The following SGPL1 variants were observed in gnomAD, a reference collection of about 807,000 sequenced individuals.
SGPL1 encodes the protein sphingosine-1-phosphate lyase 1, also known as SP-lyase 1.
Under a neutral mutation model 68.9 loss-of-function variants are expected in SGPL1, and 37 were observed. The ratio of observed to expected loss-of-function variants is 0.54; its 90% confidence interval spans 0.41 to 0.71. The LOEUF (loss-of-function observed/expected upper bound fraction) is 0.71. Among genes scored for constraint, SGPL1 ranks in the 30% least tolerant of loss-of-function variants. The pLI, the probability that SGPL1 is intolerant of heterozygous loss-of-function variation, is 0.00. For missense variants in SGPL1, 551 were observed against 704.6 expected, an observed-to-expected ratio of 0.78 and a Z score of 2.47; for synonymous variants, 236 against 248.5, an observed-to-expected ratio of 0.95 and a Z score of 0.47.
intron 2 of SGPL1, among the ~76,000 whole-genome samples, chr10:70,826,750 T>C (rs1443983681): frequency 6.6e-6 from 1 of 152,118 alleles, no homozygotes; most frequent in Non-Finnish European, 1.5e-5. Context: ...CTAAGTTTAG[T>C]TTGTTTTTTT....
At chr10:70,817,503 A>G (rs1845255956) in intron 2 of SGPL1, among the ~76,000 whole-genome samples, 1 of 152,140 alleles carries the variant, frequency 6.6e-6, no homozygotes, top group South Asian at 2.1e-4. Context: ...TACAGGCATA[A>G]TCATAGCTCA....
chr10:70,868,585 T>C lies in SGPL1; in HGVS notation c.704+152T>C, dbSNP rs1846236176. On this transcript the variant is annotated intron_variant, in intron 8 of 14. Coordinates refer to ENST00000373202, the MANE Select transcript of SGPL1 (RefSeq NM_003901.4). ...CCCTGTCCTAGCCCCTCTGCCCTTA[T>C]CCTTTTACATTCAGTAAAATTCTAA... is the stretch of plus-strand genomic sequence containing the variant. 4 of 636,186 alleles carry C rather than the reference T, an allele frequency of 6.3e-6. No homozygotes were observed. The South Asian group carries it at 7.3e-5, about 12-fold the overall frequency. The allele number at this position is 636,186 out of a possible 1,614,324, so 39.4% of individuals were successfully genotyped here. A position where few individuals can be genotyped will look rare whatever the true frequency, so the allele number is the denominator to read the frequency against.
chr10:70,877,541 A>G lies in SGPL1; in HGVS notation c.*206A>G, dbSNP rs995022038. On this transcript the variant is annotated 3_prime_UTR_variant, in exon 15 of 15. Transcript: ENST00000373202. ...TAATTTGAAGACCCCAGAGAATTCC[A>G]TTACATAATGATTTTGCCCTTGTTA... 1.2e-5 allele frequency: 6 copies of G among 511,556 alleles called. No homozygotes were observed. Among genetic ancestry groups the G allele is most frequent in the African/African-American group, 3.8e-5 (2 of 53,202 alleles). 31.7% of individuals were successfully genotyped at this position (511,556 alleles called of 1,614,324 possible). A position where few individuals can be genotyped will look rare whatever the true frequency, so the allele number is the denominator to read the frequency against.
intron 7 of SGPL1, among the ~76,000 whole-genome samples, chr10:70,861,663 C>A (rs1846057835): frequency 6.6e-6 from 1 of 152,214 alleles, no homozygotes; most frequent in African/African-American, 2.4e-5. Flanking sequence ...GAGCCGGAAC[C>A]AGGGCTGCGC....
intron 2 of SGPL1, among the ~76,000 whole-genome samples, chr10:70,828,618 AC>A (rs1363818718): frequency 1.3e-5 from 2 of 152,314 alleles, no homozygotes; most frequent in Non-Finnish European, 2.9e-5. Context: ...GAACAAAGCA[AC>A]CTTAGTTCTT....
At chr10:70,863,136 A>G (rs1392001425) in intron 7 of SGPL1, among the ~76,000 whole-genome samples, 2 of 151,844 alleles carry the variant, frequency 1.3e-5, no homozygotes, top group African/African-American at 4.8e-5. Context: ...ACAGGCATGC[A>G]CCACCATGCC....
chr10:70,822,886 C>T (rs1335125699), intron 2 of SGPL1, among the ~76,000 whole-genome samples: 1 of 149,786 alleles, frequency 6.7e-6, no homozygotes, highest in Non-Finnish European at 1.5e-5. Context: ...CACAATTGAA[C>T]TTACAGAGAT....
rs10627063 is a variant in SGPL1 at position 70,839,346 on chromosome 10, A to ATTT, written c.28-5120_28-5118dup. On this transcript the variant is annotated intron_variant, in intron 2 of 14. Transcript: ENST00000373202. ...GTATTATTCATTCACTGGGCAAATAATTTTTTTTTCTAGAGGAATACCTTT... is the reference window on the plus strand; with the variant it reads ...GTATTATTCATTCACTGGGCAAATAATTTTTTTTTTTTCTAGAGGAATACCTTT... 3.5e-3 allele frequency among the ~76,000 whole-genome samples: 529 copies of ATTT among 151,100 alleles called. 1 individual carries two copies. The highest frequency in any genetic ancestry group is 0.011 in the African/African-American group (460 of 41,276).
Position 70,828,444 on chromosome 10 carries a change from C to T in SGPL1, c.27+11564C>T, listed in dbSNP as rs553535032. Among the ~76,000 whole-genome samples, 9 of 152,306 alleles carry T rather than the reference C, an allele frequency of 5.9e-5. No homozygotes were observed. The East Asian group carries it at 7.7e-4, about 13-fold the overall frequency. ...TCTAACCATCCTCATTGAGAAGCCTCGGCTTCCTAAAGTGCTGCGATTATG... is the reference window on the plus strand; with the variant it reads ...TCTAACCATCCTCATTGAGAAGCCTTGGCTTCCTAAAGTGCTGCGATTATG... On this transcript the variant is annotated intron_variant, in intron 2 of 14. Coordinates refer to ENST00000373202, the MANE Select transcript of SGPL1 (RefSeq NM_003901.4).
rs550769426 is a variant in SGPL1 at position 70,859,490 on chromosome 10, G to A, written c.606G>A (p.Ser202=). Residue 202 remains serine (S), a synonymous_variant, in exon 7 of 15, where the codon TCG becomes TCA. Coordinates refer to ENST00000373202, the MANE Select transcript of SGPL1 (RefSeq NM_003901.4). Reference sequence around the variant, plus strand: ...CCCTGTTCAATGGGGGACCAGATTCGTGTGGATGTGTAAGTATATGCAAGG... The same window carrying A: ...CCCTGTTCAATGGGGGACCAGATTCATGTGGATGTGTAAGTATATGCAAGG... The part of the protein sequence containing the change: ...ACSLFNGGPD[S]CGCVTSGGTE... 67 of 1,522,418 alleles carry A rather than the reference G, an allele frequency of 4.4e-5. No individual in the cohort carries two copies. The highest frequency in any genetic ancestry group is 2.5e-4 in the East Asian group (10 of 39,410). 94.3% of individuals were successfully genotyped at this position (1,522,418 alleles called of 1,614,324 possible).
In SGPL1 at chr10:70,877,719, T is replaced by C. The variant is rs1393192592; in HGVS notation, c.*384T>C. On this transcript the variant is annotated 3_prime_UTR_variant, in exon 15 of 15. Coordinates refer to ENST00000373202, the MANE Select transcript of SGPL1 (RefSeq NM_003901.4). Reference sequence around the variant, plus strand: ...TGAGATAGCTAGAGCTTCTTTGTTATCTCAGGCAGGAGGCGTTTACATAAC... The same window carrying C: ...TGAGATAGCTAGAGCTTCTTTGTTACCTCAGGCAGGAGGCGTTTACATAAC... The C allele has an allele frequency of 5.9e-6, 1 of 170,888 alleles. No homozygotes were observed. The highest frequency in any genetic ancestry group is 2.4e-5 in the African/African-American group (1 of 42,232). The allele number at this position is 170,888 out of a possible 1,614,324, so 10.6% of individuals were successfully genotyped here.
intron 7 of SGPL1, among the ~76,000 whole-genome samples, chr10:70,863,600 A>G (rs1314262446): frequency 6.6e-6 from 1 of 151,968 alleles, no homozygotes; most frequent in African/African-American, 2.4e-5. Context: ...GATTTGTCAT[A>G]CCTTTTTGAG....
In SGPL1 at chr10:70,879,072, C is replaced by T. The variant is rs919459287; in HGVS notation, c.*1737C>T. The T allele has an allele frequency of 6.5e-6, 1 of 152,986 alleles. No homozygotes were observed. The highest frequency in any genetic ancestry group is 2.4e-5 in the African/African-American group (1 of 41,460). The allele number at this position is 152,986 out of a possible 1,614,324, so 9.5% of individuals were successfully genotyped here. A position where few individuals can be genotyped will look rare whatever the true frequency, so the allele number is the denominator to read the frequency against. ...CTCAGCAGTGAGCAGTGAGCTACTC[C>T]TGGCCCAGGCCCTAGGGGAAATGGA... is the stretch of plus-strand genomic sequence containing the variant. On this transcript the variant is annotated 3_prime_UTR_variant, in exon 15 of 15. Coordinates refer to ENST00000373202, the MANE Select transcript of SGPL1 (RefSeq NM_003901.4).
Position 70,826,429 on chromosome 10 carries a change from T to C in SGPL1, c.27+9549T>C, listed in dbSNP as rs1014600858. On this transcript the variant is annotated intron_variant, in intron 2 of 14. Transcript: ENST00000373202. Reference sequence around the variant, plus strand: ...CAGGGTAGCTGCCTGGGGTTCTACCTGTCAGGTTCATGTTTCATTCATGAA... The same window carrying C: ...CAGGGTAGCTGCCTGGGGTTCTACCCGTCAGGTTCATGTTTCATTCATGAA... 4.6e-5 allele frequency among the ~76,000 whole-genome samples: 7 copies of C among 152,234 alleles called. 1 individual carries two copies. Among genetic ancestry groups the C allele is most frequent in the Non-Finnish European group, 1.0e-4 (7 of 68,046 alleles).
chr10:70,819,627 C>CTT (rs35734922), intron 2 of SGPL1, among the ~76,000 whole-genome samples: 5,584 of 120,800 alleles, frequency 0.046, 220 homozygotes, highest in Non-Finnish European at 0.061. Context: ...TGGGATGCAG[C>CTT]TTTTTTTTTT....
intron 7 of SGPL1, among the ~76,000 whole-genome samples, chr10:70,865,887 C>G (rs1290336068): frequency 6.6e-6 from 1 of 152,138 alleles, no homozygotes; most frequent in Non-Finnish European, 1.5e-5. Context: ...AGATGTTGTT[C>G]TCTTGTTTTC....
intron 7 of SGPL1, chr10:70,866,169 T>C (rs1247100342): frequency 6.6e-6 from 1 of 152,158 alleles, no homozygotes; most frequent in East Asian, 1.9e-4. Flanking sequence ...AGTGGATCGC[T>C]CGAGCCCAGG....
intron 3 of SGPL1, among the ~76,000 whole-genome samples, chr10:70,850,896 TTGAG>T (rs1845868688): frequency 6.6e-6 from 1 of 151,806 alleles, no homozygotes; most frequent in African/African-American, 2.4e-5. Flanking sequence ...GGGGATACGT[TTGAG>T]AGAGGGAAGC....
intron 2 of SGPL1, 46 bp downstream of exon 2, chr10:70,816,926 C>T (rs766617043): frequency 8.1e-6 from 13 of 1,598,078 alleles, no homozygotes; most frequent in Admixed American, 1.7e-5. Flanking sequence ...CATTTGTCTC[C>T]GTTTTTTTAG....
Sources: allele counts gnomAD v4.1 joint callset (sites outside exome capture counted in the v4.1 genomes callset), GRCh38; gene constraint gnomAD v4.1.1; transcripts MANE v1.5; gene names NCBI Gene and HGNC (gene_info 2026-07-23, HGNC 2026-07-21).